ATXN7: variants seen among roughly 807,000 people sequenced by gnomAD.
ATXN7 encodes the protein ataxin-7.
A neutral mutation model predicts 70.5 loss-of-function variants in ATXN7; 12 were observed. That is an observed-to-expected ratio of 0.17 (90% CI 0.11 to 0.28). The LOEUF (loss-of-function observed/expected upper bound fraction) is 0.28. Ranked by LOEUF, ATXN7 falls within the 10% of genes least tolerant of loss-of-function variation. ATXN7 has a pLI of 1.00. For synonymous variants in ATXN7, 498 were observed against 448.7 expected (o/e 1.11, Z -1.39); for missense variants, 1,256 against 1,131.7 (o/e 1.11, Z -1.58).
Position 63,982,934 on chromosome 3 carries a change from G to C in ATXN7, c.1013-5G>C. ...CCACATGTAATGCCTGTGTTCTTTT[G>C]ACAGAAAGAGAGTTTGATCCTGACA... On this transcript the variant is annotated splice_region_variant and splice_polypyrimidine_tract_variant and intron_variant, in intron 7 of 12. Coordinates refer to ENST00000674280, the MANE Select transcript of ATXN7 (RefSeq NM_001377405.1). The C allele has an allele frequency of 6.2e-7, 1 of 1,612,936 alleles. No individual in the cohort carries two copies. Among genetic ancestry groups the C allele is most frequent in the Non-Finnish European group, 8.5e-7 (1 of 1,179,070 alleles).
chr3:63,959,838 G>A (rs536010153), intron 5 of ATXN7, among the ~76,000 whole-genome samples: 1 of 152,264 alleles, frequency 6.6e-6, no homozygotes, highest in Admixed American at 6.5e-5. Context: ...GCTTTAGAAA[G>A]GAATTAAACT....
At position 63,983,006 on chromosome 3, in the gene ATXN7, G is replaced by T; in HGVS notation, c.1080G>T (p.Arg360=). Residue 360 remains arginine, a synonymous_variant, in exon 8 of 13, where the codon CGG becomes CGT. Coordinates refer to ENST00000674280, the MANE Select transcript of ATXN7 (RefSeq NM_001377405.1). ...IDLDTKKPCT[R]SLTCKTHSLT... is the part of the protein sequence containing the mutation. The stretch of plus-strand genomic sequence containing the variant: ...TCGACACCAAGAAGCCCTGCACCCG[G>T]TCTTTGACATGCAAGGTAGGTGGAC... 1 of 1,613,898 alleles carries T rather than the reference G, an allele frequency of 6.2e-7. No individual in the cohort carries two copies. The highest frequency in any genetic ancestry group is 8.5e-7 in the Non-Finnish European group (1 of 1,179,912).
intron 4 of ATXN7, among the ~76,000 whole-genome samples, chr3:63,926,513 A>T (rs1575905786): frequency 6.6e-6 from 1 of 152,130 alleles, no homozygotes; most frequent in African/African-American, 2.4e-5. Flanking sequence ...GAGTGGCTGG[A>T]GAGGCCAGTG....
intron 4 of ATXN7, among the ~76,000 whole-genome samples, chr3:63,915,123 G>C (rs1704211745): frequency 6.6e-6 from 1 of 152,160 alleles, no homozygotes; most frequent in Admixed American, 6.5e-5. Flanking sequence ...TTTTAGTAGA[G>C]AGGAGGTTTC....
At chr3:63,902,884 TA>T (rs1703698214) in intron 2 of ATXN7, among the ~76,000 whole-genome samples, 2 of 152,192 alleles carry the variant, frequency 1.3e-5, no homozygotes, top group Admixed American at 1.3e-4. Flanking sequence ...TCTTTTAAAA[TA>T]ATCATCCTGA....
rs190851419 is a variant in ATXN7, at chr3:63,888,176, T to C, written c.-110-10223T>C. The stretch of plus-strand genomic sequence containing the variant: ...TAAGAGATTTTTACAGAGGCTTGGA[T>C]ATTATTTAATAATATGAATTGAATA... On this transcript the variant is annotated intron_variant, in intron 1 of 12. Transcript: ENST00000674280. Among the ~76,000 whole-genome samples the C allele has an allele frequency of 2.1e-3, 320 of 152,322 alleles. 1 individual carries two copies. Among genetic ancestry groups the C allele is most frequent in the Admixed American group, 3.7e-3 (57 of 15,306 alleles).
intron 1 of ATXN7, among the ~76,000 whole-genome samples, chr3:63,883,838 C>G (rs559276649): frequency 2.0e-5 from 3 of 151,854 alleles, no homozygotes; most frequent in Non-Finnish European, 4.4e-5. Context: ...TTCTTGTTTC[C>G]CCCAACAACA....
At chr3:63,929,371 C>T (rs1182164973) in intron 4 of ATXN7, among the ~76,000 whole-genome samples, 2 of 150,526 alleles carry the variant, frequency 1.3e-5, no homozygotes, top group Admixed American at 1.3e-4. Flanking sequence ...CTCCCTGTTT[C>T]AAGCTATTCT....
intron 1 of ATXN7, chr3:63,873,670 AC>A (rs1201799287): frequency 6.6e-6 from 1 of 152,108 alleles, no homozygotes; most frequent in African/African-American, 2.4e-5. Flanking sequence ...TCCCTGGTTC[AC>A]CCGTCTCCTT....
At chr3:63,970,052 G>A (rs949488582) in intron 5 of ATXN7, among the ~76,000 whole-genome samples, 1 of 152,172 alleles carries the variant, frequency 6.6e-6, no homozygotes. Context: ...GGGTAACACC[G>A]TGCTCTCTGA....
At chr3:63,900,071 G>T (rs377013491) in intron 2 of ATXN7, among the ~76,000 whole-genome samples, 1 of 151,816 alleles carries the variant, frequency 6.6e-6, no homozygotes, top group African/African-American at 2.4e-5. Context: ...GCGGCAGCAA[G>T]ACCCCATGTT....
At chr3:63,940,948 G>A (rs1038303751) in intron 4 of ATXN7, among the ~76,000 whole-genome samples, 2 of 152,160 alleles carry the variant, frequency 1.3e-5, no homozygotes, top group Non-Finnish European at 2.9e-5. Context: ...ACAGTATTTT[G>A]AGGAGTAGCT....
At chr3:63,868,339 G>C (rs1677747568) in intron 1 of ATXN7, among the ~76,000 whole-genome samples, 1 of 152,126 alleles carries the variant, frequency 6.6e-6, no homozygotes, top group Non-Finnish European at 1.5e-5. Context: ...TACTCATCTG[G>C]ATATGGCTAA....
At chr3:63,911,246 G>C (rs1348023004) in intron 2 of ATXN7, among the ~76,000 whole-genome samples, 2 of 152,124 alleles carry the variant, frequency 1.3e-5, no homozygotes, top group African/African-American at 4.8e-5. Context: ...AAGTGGTGTG[G>C]TCTGCTACTG....
chr3:63,925,417 A>G (rs1704678335), intron 4 of ATXN7, among the ~76,000 whole-genome samples: 2 of 152,150 alleles, frequency 1.3e-5, no homozygotes, highest in South Asian at 4.1e-4. Context: ...CCTGAGCTCC[A>G]CGTCCTGTCA....
intron 4 of ATXN7, among the ~76,000 whole-genome samples, chr3:63,922,663 A>ATGTG (rs1704555458): frequency 6.6e-6 from 1 of 152,120 alleles, no homozygotes; most frequent in African/African-American, 2.4e-5. Context: ...GATTTTTTTA[A>ATGTG]TGTGTGGTGA....
intron 5 of ATXN7, 82 bp from the exon 6 acceptor site, chr3:63,979,833 T>C (rs1275763619): frequency 1.9e-6 from 3 of 1,572,988 alleles, no homozygotes; most frequent in East Asian, 2.2e-5. Flanking sequence ...CCTGAATATA[T>C]TGATTTCAGG....
chr3:63,863,900 A>AGGC lies in ATXN7; in HGVS notation c.-361_-359dup. ...GCCGGGTAAACAGCCATGGAGGAGG[A>AGGC]GGCGGCGGCGCCCGCGGCCGCCTGC... is the stretch of plus-strand genomic sequence containing the variant. On this transcript the variant is annotated 5_prime_UTR_variant, in exon 1 of 13. Transcript: ENST00000674280. 2 of 1,101,694 alleles carry AGGC rather than the reference A, an allele frequency of 1.8e-6. No individual in the cohort carries two copies. The highest frequency in any genetic ancestry group is 1.7e-5 in the African/African-American group (1 of 57,670). The allele number at this position is 1,101,694 out of a possible 1,614,324, so 68.2% of individuals were successfully genotyped here.
chr3:63,895,009 T>C (rs1041643162), intron 1 of ATXN7, among the ~76,000 whole-genome samples: 1 of 152,190 alleles, frequency 6.6e-6, no homozygotes, highest in Non-Finnish European at 1.5e-5. Flanking sequence ...ATCACAACTC[T>C]TTGTGCTTTC....
Sources: allele counts gnomAD v4.1 joint callset (sites outside exome capture counted in the v4.1 genomes callset), GRCh38; gene constraint gnomAD v4.1.1; transcripts MANE v1.5; gene names NCBI Gene and HGNC (gene_info 2026-07-23, HGNC 2026-07-21).